The following DCC variants were observed in gnomAD, a reference collection of about 807,000 sequenced individuals.
DCC encodes the protein DCC netrin 1 receptor, also known as netrin receptor DCC.
DCC carries 58 observed loss-of-function variants against 172.5 expected under a neutral mutation model. The observed-to-expected ratio is 0.34, with a 90% CI of 0.27 to 0.42. The LOEUF (loss-of-function observed/expected upper bound fraction) is 0.42. DCC is among the 10% of genes least tolerant of loss of function. DCC has a pLI of 1.00. For missense variants in DCC, 1,740 were observed against 1,791.0 expected (o/e 0.97, Z 0.51); for synonymous variants, 709 against 644.5 (o/e 1.10, Z -1.52).
intron 13 of DCC, among the ~76,000 whole-genome samples, chr18:53,319,627 G>C (rs563396942): frequency 6.6e-6 from 1 of 152,312 alleles, no homozygotes; most frequent in African/African-American, 2.4e-5. Context: ...ACTAAGAAAA[G>C]TATTGCAAGG....
intron 1 of DCC, among the ~76,000 whole-genome samples, chr18:52,356,589 G>T (rs1479698329): frequency 2.0e-5 from 3 of 152,096 alleles, no homozygotes; most frequent in Non-Finnish European, 2.9e-5. Context: ...GGATGATATT[G>T]TTCCATGCTT....
At chr18:53,401,375 G>A (rs1909281946) in intron 18 of DCC, among the ~76,000 whole-genome samples, 1 of 151,964 alleles carries the variant, frequency 6.6e-6, no homozygotes, top group Admixed American at 6.6e-5. Context: ...CATTGTCAAT[G>A]ATTAAAATTA....
chr18:52,970,690 G>T (rs965745431), intron 5 of DCC, among the ~76,000 whole-genome samples: 1 of 152,132 alleles, frequency 6.6e-6, no homozygotes, highest in Non-Finnish European at 1.5e-5. Flanking sequence ...TATAGCATGG[G>T]GTGGGGAGGT....
At chr18:53,379,954 G>A (rs759740457) in intron 15 of DCC, among the ~76,000 whole-genome samples, 9 of 152,072 alleles carry the variant, frequency 5.9e-5, no homozygotes, top group Non-Finnish European at 1.3e-4. Context: ...TAAATTCAAA[G>A]AAGAAAATAC....
At chr18:53,279,152 C>A (rs1429340966) in intron 12 of DCC, among the ~76,000 whole-genome samples, 1 of 152,248 alleles carries the variant, frequency 6.6e-6, no homozygotes, top group East Asian at 1.9e-4. Flanking sequence ...TTGCATTTCT[C>A]TGATGGCCAG....
At chr18:53,215,921 A>G (rs577744313) in intron 12 of DCC, among the ~76,000 whole-genome samples, 2 of 152,336 alleles carry the variant, frequency 1.3e-5, no homozygotes, top group South Asian at 2.1e-4. Flanking sequence ...CCAGTCTATC[A>G]TATAGCAATG....
chr18:53,266,720 A>T (rs79807417), intron 12 of DCC, among the ~76,000 whole-genome samples: 15,000 of 151,610 alleles, frequency 0.099, 2,311 homozygotes, highest in African/African-American at 0.33. Context: ...CACTAGTCTG[A>T]TTTCTGTCTC....
At chr18:52,828,297 T>C (rs554725117) in intron 2 of DCC, among the ~76,000 whole-genome samples, 3 of 152,320 alleles carry the variant, frequency 2.0e-5, no homozygotes, top group African/African-American at 7.2e-5. Flanking sequence ...TCTTTAAAGA[T>C]TTGGCTTATG....
chr18:53,455,433 A>G (rs1568143062), intron 23 of DCC, among the ~76,000 whole-genome samples: 1 of 152,220 alleles, frequency 6.6e-6, no homozygotes, highest in Admixed American at 6.5e-5. Context: ...ACTCATTCAC[A>G]TCCCCAGCAT....
At chr18:52,685,432 A>G (rs1309068637) in intron 1 of DCC, among the ~76,000 whole-genome samples, 1 of 152,144 alleles carries the variant, frequency 6.6e-6, no homozygotes, top group African/African-American at 2.4e-5. Flanking sequence ...GTTTGTCCCC[A>G]TCAAAACTCA....
At chr18:53,477,419 T>C (rs978656672) in intron 25 of DCC, among the ~76,000 whole-genome samples, 3 of 152,236 alleles carry the variant, frequency 2.0e-5, no homozygotes, top group African/African-American at 7.2e-5. Flanking sequence ...GGCAGAGTTA[T>C]GATTTTATTC....
intron 1 of DCC, among the ~76,000 whole-genome samples, chr18:52,573,690 T>G (rs1051633264): frequency 7.2e-5 from 11 of 152,184 alleles, no homozygotes; most frequent in African/African-American, 2.7e-4. Flanking sequence ...ACTCTTTACA[T>G]CTAAGATCAG....
At chr18:53,075,847 G>A (rs2042718629) in intron 7 of DCC, among the ~76,000 whole-genome samples, 1 of 152,110 alleles carries the variant, frequency 6.6e-6, no homozygotes, top group Non-Finnish European at 1.5e-5. Flanking sequence ...ACCCCCACCA[G>A]TGCAACTGCA....
intron 1 of DCC, among the ~76,000 whole-genome samples, chr18:52,459,782 T>C (rs1445767648): frequency 1.3e-5 from 2 of 152,100 alleles, no homozygotes; most frequent in African/African-American, 4.8e-5. Context: ...GTATTTGGTT[T>C]TCTGTTCCTG....
At position 53,355,536 on chromosome 18, in the gene DCC, A is replaced by G. The variant is rs143493728; in HGVS notation, c.2359+15629A>G. Among the ~76,000 whole-genome samples, 934 of 152,216 alleles carry G rather than the reference A, an allele frequency of 6.1e-3. 7 individuals carry two copies. Among genetic ancestry groups the G allele is most frequent in the African/African-American group, 0.022 (896 of 41,552 alleles). On this transcript the variant is annotated intron_variant, in intron 15 of 28. Coordinates refer to ENST00000442544, the MANE Select transcript of DCC (RefSeq NM_005215.4). The stretch of plus-strand genomic sequence containing the variant: ...TAGGTATTTCATTCTCTTTGAAGCA[A>G]TTGTGAATGGGAGTTCACTCATGAT...
rs1015897553 is a variant in DCC at position 52,898,408 on chromosome 18, G to A, written c.413-7636G>A. Among the ~76,000 whole-genome samples the A allele has an allele frequency of 2.6e-5, 4 of 152,218 alleles. No homozygotes were observed. The South Asian group carries it at 6.2e-4, about 24-fold the overall frequency. ...GTGGAGGAGAGACCTCCCTAGAGGC[G>A]GCAAGTCTTGGCATAAACCTGGACT... On this transcript the variant is annotated intron_variant, in intron 2 of 28. Coordinates refer to ENST00000442544, the MANE Select transcript of DCC (RefSeq NM_005215.4).
chr18:52,849,200 A>G (rs1245451437), intron 2 of DCC, among the ~76,000 whole-genome samples: 2 of 152,144 alleles, frequency 1.3e-5, no homozygotes, highest in Non-Finnish European at 2.9e-5. Flanking sequence ...AATTCCCAGA[A>G]TTAGTACTGT....
chr18:53,150,452 T>A (rs890543979), intron 7 of DCC, among the ~76,000 whole-genome samples: 2 of 152,178 alleles, frequency 1.3e-5, no homozygotes, highest in African/African-American at 4.8e-5. Context: ...GTGATAATGA[T>A]GGAGGATTAA....
intron 5 of DCC, among the ~76,000 whole-genome samples, chr18:53,019,090 G>A (rs2041845924): frequency 6.6e-6 from 1 of 152,098 alleles, no homozygotes; most frequent in African/African-American, 2.4e-5. Flanking sequence ...GCTGACTGGG[G>A]CCAATGCTGT....
Sources: allele counts gnomAD v4.1 joint callset (sites outside exome capture counted in the v4.1 genomes callset), GRCh38; gene constraint gnomAD v4.1.1; transcripts MANE v1.5; gene names NCBI Gene and HGNC (gene_info 2026-07-23, HGNC 2026-07-21).